The following VRK2 variants were observed in gnomAD, a reference collection of about 807,000 sequenced individuals.
The protein encoded by VRK2 is VRK serine/threonine kinase 2.
A neutral mutation model predicts 57.6 loss-of-function variants in VRK2; 60 were observed. The ratio of observed to expected loss-of-function variants is 1.04; its 90% CI spans 0.85 to 1.29. VRK2 has a LOEUF of 1.29. Ranked by LOEUF, VRK2 falls within the 50% of genes most tolerant of loss-of-function variation. VRK2 has a pLI of 0.00. For missense variants in VRK2, 705 were observed against 588.1 expected (o/e 1.20, Z -2.06); for synonymous variants, 231 against 199.2 (o/e 1.16, Z -1.35).
At chr2:58,026,944 G>A (rs1043827197) in intron 2 of VRK2, 2 of 151,424 alleles carry the variant, frequency 1.3e-5, no homozygotes, top group Non-Finnish European at 2.9e-5. Flanking sequence ...GCCTAGGCTA[G>A]TGTTAAACTC....
chr2:58,146,701 T>G (rs1682195689), intron 12 of VRK2, among the ~76,000 whole-genome samples: 1 of 152,020 alleles, frequency 6.6e-6, no homozygotes, highest in Non-Finnish European at 1.5e-5. Context: ...TCTGATTTCT[T>G]TATTCTAAGA....
At chr2:58,080,317 A>G (rs964476143) in intron 2 of VRK2, among the ~76,000 whole-genome samples, 6 of 151,990 alleles carry the variant, frequency 3.9e-5, no homozygotes, top group African/African-American at 1.4e-4. Context: ...CAGTTTAAAA[A>G]AATATTTTAG....
intron 7 of VRK2, among the ~76,000 whole-genome samples, chr2:58,117,436 G>A (rs1297555310): frequency 1.3e-5 from 2 of 152,028 alleles, no homozygotes; most frequent in Non-Finnish European, 2.9e-5. Flanking sequence ...AGGAAGAATT[G>A]GGACCTAGCT....
intron 1 of VRK2, among the ~76,000 whole-genome samples, chr2:57,950,741 C>T (rs953310287): frequency 7.2e-5 from 11 of 151,986 alleles, no homozygotes; most frequent in Non-Finnish European, 1.2e-4. Flanking sequence ...CTGATGAATC[C>T]GGGGAAAATA....
chr2:57,908,809 G>A (rs184347634), intron 1 of VRK2, among the ~76,000 whole-genome samples: 43 of 152,268 alleles, frequency 2.8e-4, no homozygotes, highest in Admixed American at 1.6e-3. Flanking sequence ...TCCCTGAGCA[G>A]CTAAAACGAG....
At chr2:57,993,446 A>G (rs555858314) in intron 1 of VRK2, among the ~76,000 whole-genome samples, 33 of 152,048 alleles carry the variant, frequency 2.2e-4, no homozygotes, top group African/African-American at 5.3e-4. Flanking sequence ...TGAAAGCAAT[A>G]TATCTCTAGA....
At chr2:58,111,655 C>T (rs1023706712) in intron 7 of VRK2, among the ~76,000 whole-genome samples, 1 of 152,108 alleles carries the variant, frequency 6.6e-6, no homozygotes, top group Admixed American at 6.6e-5. Context: ...AGTCTTACTA[C>T]AACGCAAATA....
intron 1 of VRK2, among the ~76,000 whole-genome samples, chr2:57,982,572 C>T (rs558902954): frequency 5.3e-5 from 8 of 152,270 alleles, no homozygotes; most frequent in Non-Finnish European, 8.8e-5. Flanking sequence ...CCTGAAAAAG[C>T]ACTCTGAAGG....
Position 58,089,675 on chromosome 2 carries a change from T to G in VRK2, c.495T>G (p.Gly165=), listed in dbSNP as rs1214272915. Residue 165 remains glycine (G), a synonymous_variant, in exon 7 of 13, where the codon GGT becomes GGG. Coordinates refer to ENST00000340157, the MANE Select transcript of VRK2 (RefSeq NM_006296.7). ...EYIHENEYVH[G]DIKAANLLLG... ...TACATGAAAATGAATATGTTCATGGTGATATAAAAGCAGCAAATCTACTTT... is the reference window on the plus strand; with the variant it reads ...TACATGAAAATGAATATGTTCATGGGGATATAAAAGCAGCAAATCTACTTT... The G allele has an allele frequency of 6.2e-7, 1 of 1,608,594 alleles. No individual in the cohort carries two copies. The highest frequency in any genetic ancestry group is 1.1e-5 in the South Asian group (1 of 90,494).
chr2:57,922,394 T>C (rs921747534), intron 1 of VRK2, among the ~76,000 whole-genome samples: 4 of 149,710 alleles, frequency 2.7e-5, no homozygotes, highest in African/African-American at 9.8e-5. Context: ...TATATGTATA[T>C]GTTGTGAAAT....
chr2:58,028,810 C>A (rs111920101), intron 2 of VRK2, among the ~76,000 whole-genome samples: 2,860 of 148,368 alleles, frequency 0.019, 106 homozygotes, highest in African/African-American at 0.068. Context: ...GGGTGCAGCA[C>A]ACCAACATGG....
At chr2:58,054,360 ACTAT>A (rs1676199099) in intron 2 of VRK2, among the ~76,000 whole-genome samples, 1 of 150,960 alleles carries the variant, frequency 6.6e-6, no homozygotes, top group Admixed American at 6.6e-5. Context: ...TGGACCTGTT[ACTAT>A]CTTGTAACTG....
intron 1 of VRK2, among the ~76,000 whole-genome samples, chr2:57,946,412 T>C (rs1346035752): frequency 3.3e-5 from 5 of 152,120 alleles, no homozygotes; most frequent in Non-Finnish European, 7.4e-5. Flanking sequence ...GAAGATTTCT[T>C]AGTACAATTC....
intron 11 of VRK2, among the ~76,000 whole-genome samples, chr2:58,143,249 A>C (rs1051620722): frequency 6.6e-6 from 1 of 151,992 alleles, no homozygotes. Flanking sequence ...ATTTTATAGA[A>C]CAGTGTGAAG....
chr2:57,940,516 T>A (rs1671058754), intron 1 of VRK2, among the ~76,000 whole-genome samples: 1 of 151,942 alleles, frequency 6.6e-6, no homozygotes, highest in African/African-American at 2.4e-5. Context: ...GGGCACTGCA[T>A]GGCCCAGTCA....
At chr2:58,121,541 C>G (rs1213592054) in intron 7 of VRK2, among the ~76,000 whole-genome samples, 2 of 152,144 alleles carry the variant, frequency 1.3e-5, no homozygotes, top group Non-Finnish European at 2.9e-5. Context: ...GAGAGACAAA[C>G]TGAAATATTT....
chr2:58,089,089 G>A (rs1375485638), intron 6 of VRK2, among the ~76,000 whole-genome samples: 1 of 152,204 alleles, frequency 6.6e-6, no homozygotes, highest in Non-Finnish European at 1.5e-5. Context: ...CTCGAAGCCA[G>A]CAAATGTTTA....
At chr2:58,012,974 G>A (rs1452486478) in intron 1 of VRK2, among the ~76,000 whole-genome samples, 2 of 152,070 alleles carry the variant, frequency 1.3e-5, no homozygotes, top group Non-Finnish European at 2.9e-5. Context: ...AAAATTCAAA[G>A]TTTTACAAAT....
At position 57,961,612 on chromosome 2, in the gene VRK2, C is replaced by T. The variant is rs189382998; in HGVS notation, c.-439+53773C>T. Among the ~76,000 whole-genome samples the T allele has an allele frequency of 4.1e-3, 505 of 123,966 alleles. 6 individuals carry two copies. Among genetic ancestry groups the T allele is most frequent in the African/African-American group, 0.016 (482 of 29,578 alleles). The allele number at this position is 123,966 out of a possible 152,430, so 81.3% of individuals were successfully genotyped here. A position where few individuals can be genotyped will look rare whatever the true frequency, so the allele number is the denominator to read the frequency against. ...GATTTGTGGTCATCTATGCTGTCTC[C>T]CACTGTACCCACCCCCCCCCCCACT... On this transcript the variant is annotated intron_variant, in intron 1 of 15. Transcript: ENST00000417641.
Sources: allele counts gnomAD v4.1 joint callset (sites outside exome capture counted in the v4.1 genomes callset), GRCh38; gene constraint gnomAD v4.1.1; transcripts MANE v1.5; gene names NCBI Gene and HGNC (gene_info 2026-07-23, HGNC 2026-07-21).